Variants in CCM2 observed in about 807,000 individuals in gnomAD.
CCM2 encodes CCM2 scaffold protein.
Under a neutral mutation model 44.9 loss-of-function variants are expected in CCM2, and 25 were observed. That is an observed-to-expected ratio of 0.56 (90% CI 0.41 to 0.78). The LOEUF (loss-of-function observed/expected upper bound fraction) is 0.78, where lower values mean the gene tolerates loss of function less well. Ranked by LOEUF, CCM2 falls within the 30% of genes least tolerant of loss-of-function variation. The pLI, the probability that CCM2 is intolerant of heterozygous loss-of-function variation, is 0.00. For missense variants in CCM2, 481 were observed against 580.6 expected, an observed-to-expected ratio of 0.83 and a Z score of 1.76; for synonymous variants, 219 against 241.1, an observed-to-expected ratio of 0.91 and a Z score of 0.85.
At chr7:45,026,671 T>G (rs750131085) in intron 1 of CCM2, among the ~76,000 whole-genome samples, 4 of 150,930 alleles carry the variant, frequency 2.7e-5, no homozygotes, top group African/African-American at 4.9e-5. Context: ...GGTGCTATCT[T>G]TTCTTACTGG....
Position 45,016,266 on chromosome 7 carries a change from G to A in CCM2, c.30+15903G>A, listed in dbSNP as rs186607977. Reference sequence around the variant, plus strand: ...ATACATATTCAACAGGTTATAGGAGGAGTTATGAATATTCATGGAGGGGGT... The same window carrying A: ...ATACATATTCAACAGGTTATAGGAGAAGTTATGAATATTCATGGAGGGGGT... On this transcript the variant is annotated intron_variant, in intron 1 of 9. Transcript: ENST00000258781. 1.9e-3 allele frequency among the ~76,000 whole-genome samples: 292 copies of A among 152,314 alleles called. 1 individual carries two copies. The highest frequency in any genetic ancestry group is 6.2e-3 in the African/African-American group (259 of 41,562).
intron 2 of CCM2, among the ~76,000 whole-genome samples, chr7:45,043,282 A>T (rs1797598675): frequency 1.3e-5 from 2 of 152,126 alleles, no homozygotes; most frequent in Non-Finnish European, 2.9e-5. Flanking sequence ...TTTCTGACTC[A>T]TTTTGTAAGG....
At chr7:45,054,925 C>A (rs1050607578) in intron 2 of CCM2, among the ~76,000 whole-genome samples, 1 of 152,210 alleles carries the variant, frequency 6.6e-6, no homozygotes, top group Non-Finnish European at 1.5e-5. Flanking sequence ...GTATCCTATT[C>A]AGATATTAGA....
intron 7 of CCM2, 89 bp downstream of exon 7, chr7:45,072,872 C>G: frequency 9.2e-7 from 1 of 1,081,960 alleles, no homozygotes. Context: ...TCAGCTCCCC[C>G]ATCTCAGCTC....
At chr7:45,073,121 C>T (rs748014287) in intron 7 of CCM2, 2 of 578,816 alleles carry the variant, frequency 3.5e-6, no homozygotes, top group Non-Finnish European at 6.2e-6. Context: ...CCACCTGGGG[C>T]TCTGTAGTAG....
chr7:45,044,581 C>T (rs1397656293), intron 2 of CCM2, among the ~76,000 whole-genome samples: 1 of 152,210 alleles, frequency 6.6e-6, no homozygotes, highest in African/African-American at 2.4e-5. Context: ...GCATAAACTA[C>T]ACTTCTGGTC....
At chr7:45,051,555 G>A (rs145882554) in intron 2 of CCM2, among the ~76,000 whole-genome samples, 263 of 120,024 alleles carry the variant, frequency 2.2e-3, no homozygotes, top group African/African-American at 8.4e-3. Flanking sequence ...CCGTCACCAC[G>A]CCTGGCTAAT....
chr7:45,000,939 G>A (rs1159394058), intron 1 of CCM2, among the ~76,000 whole-genome samples: 2 of 152,172 alleles, frequency 1.3e-5, no homozygotes, highest in African/African-American at 2.4e-5. Flanking sequence ...TACAGTAAAG[G>A]GTTATAGTAG....
At chr7:45,070,253 C>T (rs1798998142) in intron 6 of CCM2, 2 of 442,890 alleles carry the variant, frequency 4.5e-6, no homozygotes, top group Non-Finnish European at 8.4e-6. Context: ...CTTCACTTAA[C>T]TCGGAACAAA....
chr7:45,040,081 T>C (rs1797411960), intron 2 of CCM2, among the ~76,000 whole-genome samples: 1 of 148,812 alleles, frequency 6.7e-6, no homozygotes, highest in African/African-American at 2.5e-5. Context: ...AAAAATTCAA[T>C]AGAGGTGTTG....
At chr7:45,011,632 A>T (rs1029714643) in intron 1 of CCM2, among the ~76,000 whole-genome samples, 1 of 151,002 alleles carries the variant, frequency 6.6e-6, no homozygotes, top group African/African-American at 2.4e-5. Flanking sequence ...GCTCACTGCA[A>T]CCTCTGCCTC....
intron 1 of CCM2, among the ~76,000 whole-genome samples, chr7:45,036,254 G>A (rs1357984090): frequency 4.6e-5 from 7 of 152,128 alleles, no homozygotes; most frequent in African/African-American, 1.7e-4. Context: ...TTTTGTTTTC[G>A]TTTTTATTGA....
Position 45,000,462 on chromosome 7 carries a change from G to GT in CCM2, c.30+99_30+100insT, listed in dbSNP as rs1284134455. The GT allele has an allele frequency of 1.0e-2, 2,481 of 248,976 alleles. 162 individuals are homozygous for GT. The highest frequency in any genetic ancestry group is 0.061 in the African/African-American group (2,114 of 34,820). The allele number at this position is 248,976 out of a possible 1,614,324, so 15.4% of individuals were successfully genotyped here. ...GGGTGTTCCTTGGGGCCCGGGGGGG[G>GT]GGGCAGTGGGCCAGCTGGCGGGGCG... On this transcript the variant is annotated intron_variant, in intron 1 of 9. Coordinates refer to ENST00000258781, the MANE Select transcript of CCM2 (RefSeq NM_031443.4).
chr7:45,004,293 G>A (rs1795759283), intron 1 of CCM2, among the ~76,000 whole-genome samples: 2 of 152,296 alleles, frequency 1.3e-5, no homozygotes, highest in South Asian at 4.1e-4. Flanking sequence ...TGATAGGCAT[G>A]TATTCTGAGA....
At chr7:45,034,643 C>G (rs1797129786) in intron 1 of CCM2, among the ~76,000 whole-genome samples, 1 of 145,154 alleles carries the variant, frequency 6.9e-6, no homozygotes, top group African/African-American at 2.6e-5. Flanking sequence ...CTCAGCCTCC[C>G]AAGTAGCTGG....
intron 2 of CCM2, among the ~76,000 whole-genome samples, chr7:45,041,471 T>G (rs1054702963): frequency 1.3e-5 from 2 of 152,108 alleles, no homozygotes; most frequent in African/African-American, 4.8e-5. Context: ...CTTCAGGTTG[T>G]CTTTTTGCCT....
chr7:45,064,905 C>G (rs1156950256), intron 4 of CCM2, among the ~76,000 whole-genome samples: 1 of 152,172 alleles, frequency 6.6e-6, no homozygotes, highest in African/African-American at 2.4e-5. Context: ...TATCCTGTTC[C>G]TCTGCCCGGT....
chr7:45,055,776 A>G (rs1000537713), intron 2 of CCM2, among the ~76,000 whole-genome samples: 1 of 152,222 alleles, frequency 6.6e-6, no homozygotes, highest in Non-Finnish European at 1.5e-5. Context: ...CATCAGCACT[A>G]TCCATCTCCA....
At chr7:45,010,655 T>C (rs1056429994) in intron 1 of CCM2, among the ~76,000 whole-genome samples, 1 of 152,150 alleles carries the variant, frequency 6.6e-6, no homozygotes, top group Admixed American at 6.6e-5. Flanking sequence ...TGGAATGCAA[T>C]GGTGTGATCT....
Sources: gnomAD v4.1 joint callset for allele counts (sites outside exome capture counted in the v4.1 genomes callset) on GRCh38, gnomAD v4.1.1 for gene constraint, MANE v1.5 for transcripts, NCBI Gene and HGNC (gene_info 2026-07-23, HGNC 2026-07-21) for gene names.